The following HDAC4 variants were observed in gnomAD, a reference collection of about 807,000 sequenced individuals.
HDAC4 encodes histone deacetylase A.
A neutral mutation model predicts 135.1 loss-of-function variants in HDAC4; 16 were observed. The ratio of observed to expected loss-of-function variants is 0.12; its 90% CI spans 0.08 to 0.18. The LOEUF is 0.18. Among genes scored for constraint, HDAC4 ranks in the 10% least tolerant of loss-of-function variants. The pLI is 1.00. For missense variants in HDAC4, 1,143 were observed against 1,511.8 expected (o/e 0.76, Z 4.05); for synonymous variants, 685 against 653.4 (o/e 1.05, Z -0.74).
chr2:239,085,062 A>ACG (rs2035800894), intron 19 of HDAC4, among the ~76,000 whole-genome samples: 1 of 151,316 alleles, frequency 6.6e-6, no homozygotes, highest in African/African-American at 2.4e-5. Flanking sequence ...ACACACACAC[A>ACG]CACACACACA....
chr2:239,176,890 G>A (rs1047576000), intron 4 of HDAC4, among the ~76,000 whole-genome samples: 4 of 152,222 alleles, frequency 2.6e-5, no homozygotes, highest in African/African-American at 4.8e-5. Context: ...TGAAGAGAGC[G>A]TGAAATGGTA....
chr2:239,219,996 A>G lies in HDAC4; in HGVS notation c.94+16597T>C, dbSNP rs1254408916. On this transcript the variant is annotated intron_variant, in intron 3 of 26. Coordinates refer to ENST00000543185, the MANE Select transcript of HDAC4 (RefSeq NM_001378414.1). The stretch of plus-strand genomic sequence containing the variant: ...AGAGGATGGGAATAGTACAATTCTT[A>G]CTTCAGCCAACAGATAGGCCTCGAA... 3.9e-5 allele frequency among the ~76,000 whole-genome samples: 6 copies of G among 152,232 alleles called. No homozygotes were observed. The East Asian group carries it at 1.2e-3, about 29-fold the overall frequency.
intron 2 of HDAC4, among the ~76,000 whole-genome samples, chr2:239,335,993 T>C (rs1200515269): frequency 1.3e-5 from 2 of 152,218 alleles, no homozygotes; most frequent in Non-Finnish European, 2.9e-5. Context: ...TCATCAGCAA[T>C]TGAACCAATA....
intron 16 of HDAC4, 44 bp from the exon 17 acceptor site, chr2:239,095,100 G>A (rs1254896892): frequency 1.9e-6 from 3 of 1,611,088 alleles, no homozygotes. Context: ...AGGGCACGCG[G>A]CCAAGGTGCT....
chr2:239,364,983 A>C (rs986237824), intron 1 of HDAC4, among the ~76,000 whole-genome samples: 2 of 152,254 alleles, frequency 1.3e-5, no homozygotes, highest in Admixed American at 1.3e-4. Flanking sequence ...ATTCCCAAAG[A>C]GGTACTAAGT....
At chr2:239,243,150 C>G (rs1404767703) in intron 2 of HDAC4, among the ~76,000 whole-genome samples, 1 of 151,376 alleles carries the variant, frequency 6.6e-6, no homozygotes, top group Non-Finnish European at 1.5e-5. Context: ...GATAAATTAA[C>G]ATTCCTTTTT....
At chr2:239,062,250 C>T (rs186442470) in intron 24 of HDAC4, among the ~76,000 whole-genome samples, 44 of 152,380 alleles carry the variant, frequency 2.9e-4, no homozygotes, top group African/African-American at 9.6e-4. Context: ...ATAGCGGGGA[C>T]GCCAAGGCCC....
chr2:239,199,881 C>G (rs117725867), intron 3 of HDAC4, among the ~76,000 whole-genome samples: 5 of 152,144 alleles, frequency 3.3e-5, no homozygotes, highest in Admixed American at 6.5e-5. Flanking sequence ...CTACTACAGA[C>G]GCCAGCCACC....
chr2:239,173,215 T>C (rs1163433526), intron 5 of HDAC4, among the ~76,000 whole-genome samples: 1 of 152,216 alleles, frequency 6.6e-6, no homozygotes, highest in East Asian at 1.9e-4. Flanking sequence ...AGGAAACTGT[T>C]TGGCAATCTC....
At chr2:239,372,519 T>C (rs1442267287) in intron 1 of HDAC4, among the ~76,000 whole-genome samples, 1 of 152,164 alleles carries the variant, frequency 6.6e-6, no homozygotes, top group South Asian at 2.1e-4. Context: ...CAGGCTTCGC[T>C]TCTGTGAGTG....
At chr2:239,185,983 G>A (rs1210862081) in intron 4 of HDAC4, among the ~76,000 whole-genome samples, 1 of 152,150 alleles carries the variant, frequency 6.6e-6, no homozygotes, top group Non-Finnish European at 1.5e-5. Context: ...GAAGTGAACT[G>A]AGATGGCACC....
At position 239,306,257 on chromosome 2, in the gene HDAC4, CAA is replaced by C. The variant is rs541334021; in HGVS notation, c.22+46419_22+46420del. ...CCCATCTTTTCATACATTTAGAAGG[CAA>C]AAAAAGTTCATCTTTCTAGTGATTC... On this transcript the variant is annotated intron_variant, in intron 2 of 26. Coordinates refer to ENST00000543185, the MANE Select transcript of HDAC4 (RefSeq NM_001378414.1). The surrounding 1 kb of genome is among the most constrained non-coding windows in gnomAD (Gnocchi z 4.5). 6.6e-6 allele frequency among the ~76,000 whole-genome samples: 1 copy of C among 152,074 alleles called. No individual in the cohort carries two copies. The highest frequency in any genetic ancestry group is 6.5e-5 in the Admixed American group (1 of 15,292).
At position 239,052,759 on chromosome 2, in the gene HDAC4, C is replaced by T. The variant is rs934745516; in HGVS notation, c.*338G>A. On this transcript the variant is annotated 3_prime_UTR_variant, in exon 27 of 27. Coordinates refer to ENST00000543185, the MANE Select transcript of HDAC4 (RefSeq NM_001378414.1). ...TTCTGTGCCTCGTGTCAACTGAATT[C>T]GGCAGCTCGGCCGCCTGTTGCCACA... The T allele has an allele frequency of 2.8e-5, 11 of 394,078 alleles. No homozygotes were observed. The highest frequency in any genetic ancestry group is 8.3e-5 in the Admixed American group (2 of 24,210). The allele number at this position is 394,078 out of a possible 1,614,324, so 24.4% of individuals were successfully genotyped here. A position where few individuals can be genotyped will look rare whatever the true frequency, so the allele number is the denominator to read the frequency against.
intron 15 of HDAC4, among the ~76,000 whole-genome samples, chr2:239,106,435 T>A (rs1420866968): frequency 6.6e-6 from 1 of 152,168 alleles, no homozygotes; most frequent in Non-Finnish European, 1.5e-5. Context: ...GACAGCTGTC[T>A]GGTCCTGTGG....
intron 4 of HDAC4, among the ~76,000 whole-genome samples, chr2:239,179,810 C>G (rs188562414): frequency 9.4e-4 from 143 of 152,368 alleles, no homozygotes; most frequent in African/African-American, 3.2e-3. Flanking sequence ...AGAGCCCACG[C>G]GGCGTGCTCA....
At chr2:239,324,020 T>C (rs973229443) in intron 2 of HDAC4, among the ~76,000 whole-genome samples, 1 of 152,144 alleles carries the variant, frequency 6.6e-6, no homozygotes, top group South Asian at 2.1e-4. Context: ...TGCGCTACGG[T>C]ATGCACTGAT....
chr2:239,127,426 A>AT (rs1386751900), intron 11 of HDAC4, among the ~76,000 whole-genome samples: 3 of 152,108 alleles, frequency 2.0e-5, no homozygotes, highest in Admixed American at 6.6e-5. Context: ...AGTGAAGTAC[A>AT]TTTTTTCCTT....
intron 7 of HDAC4, among the ~76,000 whole-genome samples, chr2:239,153,048 C>T (rs1017580088): frequency 1.3e-5 from 2 of 152,354 alleles, no homozygotes; most frequent in African/African-American, 4.8e-5. Flanking sequence ...TGGGTAGAAA[C>T]TCAGGCACCT....
intron 2 of HDAC4, among the ~76,000 whole-genome samples, chr2:239,284,915 A>G (rs1384848822): frequency 6.6e-6 from 1 of 152,230 alleles, no homozygotes; most frequent in South Asian, 2.1e-4. Flanking sequence ...GTATATTTAG[A>G]GGCTCAGAAA....
Sources: gnomAD v4.1 joint callset for allele counts (sites outside exome capture counted in the v4.1 genomes callset) on GRCh38, gnomAD v4.1.1 for gene constraint, Gnocchi (gnomAD v3.1) non-coding constraint, MANE v1.5 for transcripts, NCBI Gene and HGNC (gene_info 2026-07-23, HGNC 2026-07-21) for gene names.